TDRD12: variants seen among roughly 807,000 people sequenced by gnomAD.
TDRD12 encodes putative ATP-dependent RNA helicase TDRD12.
A neutral mutation model predicts 133.5 loss-of-function variants in TDRD12; 158 were observed. The ratio of observed to expected loss-of-function variants is 1.18; its 90% CI spans 1.04 to 1.35. The LOEUF is 1.35. Ranked by LOEUF, TDRD12 falls within the 40% of genes most tolerant of loss-of-function variation. The probability of loss-of-function intolerance (pLI) is 0.00; values close to 1 mark genes in which losing one functional copy is unlikely to be tolerated. For synonymous variants in TDRD12, 460 were observed against 477.9 expected, an observed-to-expected ratio of 0.96 and a Z score of 0.49; for missense variants, 1,443 against 1,321.3, an observed-to-expected ratio of 1.09 and a Z score of -1.43.
At chr19:32,761,343 G>A (rs1383954180) in intron 8 of TDRD12, among the ~76,000 whole-genome samples, 3 of 152,034 alleles carry the variant, frequency 2.0e-5, no homozygotes, top group African/African-American at 7.2e-5. Flanking sequence ...TGTTAGCCAG[G>A]ATGGTCTCGA....
At chr19:32,797,022 C>T (rs574182405) in intron 14 of TDRD12, among the ~76,000 whole-genome samples, 54 of 151,126 alleles carry the variant, frequency 3.6e-4, no homozygotes, top group Admixed American at 2.1e-3. Flanking sequence ...GCTCTGTCAC[C>T]CAGGCTGGAG....
At chr19:32,756,003 T>G in exon 7 of TDRD12, 2 of 1,468,372 alleles carry the variant, frequency 1.4e-6, no homozygotes, top group Non-Finnish European at 1.8e-6. Flanking sequence ...TTTGTGTTAA[T>G]GATGATCTTG....
intron 1 of TDRD12, among the ~76,000 whole-genome samples, chr19:32,729,221 GT>G (rs551149308): frequency 2.1e-3 from 258 of 120,796 alleles, no homozygotes; most frequent in African/African-American, 5.5e-3. Context: ...TTTTTTTTTT[GT>G]TTTTTTTTTT....
At chr19:32,789,077 C>T (rs958701714) in intron 11 of TDRD12, among the ~76,000 whole-genome samples, 1 of 152,060 alleles carries the variant, frequency 6.6e-6, no homozygotes, top group Non-Finnish European at 1.5e-5. Context: ...GGTGAGTGGC[C>T]GTCTGGTGTG....
chr19:32,746,852 G>C (rs1046339211), intron 4 of TDRD12, among the ~76,000 whole-genome samples: 2 of 151,916 alleles, frequency 1.3e-5, no homozygotes, highest in African/African-American at 4.8e-5. Context: ...GAGAAGGAGA[G>C]AGACTGGCTG....
intron 4 of TDRD12, among the ~76,000 whole-genome samples, chr19:32,744,372 C>T (rs1056936908): frequency 9.2e-4 from 139 of 151,788 alleles, no homozygotes; most frequent in Middle Eastern, 3.4e-3. Flanking sequence ...CAGTGGTACG[C>T]GCCTGTAATC....
At chr19:32,777,286 A>AC in intron 11 of TDRD12, 57 bp downstream of exon 11, 1 of 1,082,798 alleles carries the variant, frequency 9.2e-7, no homozygotes, top group Non-Finnish European at 1.3e-6. Flanking sequence ...ATAAAATTAT[A>AC]AACAAGAGAA....
chr19:32,803,123 A>G, exon 21 of TDRD12: 4 of 1,520,126 alleles, frequency 2.6e-6, no homozygotes, highest in Non-Finnish European at 3.5e-6. Context: ...TCCATATCTG[A>G]AGGCTTTTGG....
chr19:32,720,401 C>T, intron 1 of TDRD12, among the ~76,000 whole-genome samples: 1 of 53,712 alleles, frequency 1.9e-5, no homozygotes, highest in East Asian at 4.5e-4. Flanking sequence ...CCCACACCCA[C>T]TCCCACCCAG....
At chr19:32,751,995 TC>T (rs1430980523) in intron 6 of TDRD12, among the ~76,000 whole-genome samples, 2 of 151,148 alleles carry the variant, frequency 1.3e-5, no homozygotes, top group Non-Finnish European at 2.9e-5. Flanking sequence ...TGCCTCAGCC[TC>T]CTGAGCAGCT....
chr19:32,747,870 C>T (rs1476734763), intron 4 of TDRD12, among the ~76,000 whole-genome samples: 4 of 152,010 alleles, frequency 2.6e-5, no homozygotes, highest in African/African-American at 7.3e-5. Context: ...TTTTTAATCG[C>T]TGAGTGTGGT....
intron 22 of TDRD12, 74 bp from the exon 23 acceptor site, chr19:32,810,019 A>G (rs987412472): frequency 2.2e-6 from 2 of 923,976 alleles, no homozygotes; most frequent in Admixed American, 7.1e-5. Flanking sequence ...TGATTTCTGC[A>G]GATACAGGGA....
At chr19:32,827,375 T>TTC (rs1162159855) in exon 10 of TDRD12, 1 of 278,168 alleles carries the variant, frequency 3.6e-6, no homozygotes, top group Non-Finnish European at 5.2e-6. Context: ...TTCTTTTCTT[T>TTC]TTTTTTTTTT....
At chr19:32,772,214 T>G (rs1005293788) in intron 8 of TDRD12, among the ~76,000 whole-genome samples, 12 of 152,226 alleles carry the variant, frequency 7.9e-5, no homozygotes, top group African/African-American at 2.7e-4. Context: ...TTGTCCGAAA[T>G]GTCCTGGTAT....
downstream of TDRD12, among the ~76,000 whole-genome samples, chr19:32,823,868 C>T (rs974943380): frequency 2.6e-5 from 4 of 152,234 alleles, no homozygotes; most frequent in Non-Finnish European, 4.4e-5. Context: ...TCTGCACTGT[C>T]GCAGGCCCTG....
intron 25 of TDRD12, among the ~76,000 whole-genome samples, chr19:32,815,011 C>T (rs1428031499): frequency 3.3e-5 from 5 of 152,212 alleles, no homozygotes; most frequent in African/African-American, 9.7e-5. Flanking sequence ...GCAGAAAAGA[C>T]GAACAGAAGA....
At chr19:32,728,314 G>GT (rs1311880011) in intron 1 of TDRD12, among the ~76,000 whole-genome samples, 2 of 152,122 alleles carry the variant, frequency 1.3e-5, no homozygotes, top group Non-Finnish European at 1.5e-5. Flanking sequence ...GTGGATTTTG[G>GT]TAGGGATTGA....
At chr19:32,796,880 T>C (rs373760128) in intron 14 of TDRD12, among the ~76,000 whole-genome samples, 4 of 151,970 alleles carry the variant, frequency 2.6e-5, no homozygotes, top group East Asian at 3.9e-4. Flanking sequence ...CTTCAGTTAC[T>C]GGAGGGTGTG....
At chr19:32,747,183 T>C (rs12973557) in intron 4 of TDRD12, among the ~76,000 whole-genome samples, 90,778 of 152,002 alleles carry the variant, frequency 0.6, 28,212 homozygotes, top group East Asian at 0.82. Context: ...GCTGATTTAC[T>C]TGTTCATATG....
Sources: gnomAD v4.1 joint callset for allele counts (sites outside exome capture counted in the v4.1 genomes callset) on GRCh38, gnomAD v4.1.1 for gene constraint, MANE v1.5 for transcripts, NCBI Gene and HGNC (gene_info 2026-07-23, HGNC 2026-07-21) for gene names.